ITIH2: variants seen among roughly 807,000 people sequenced by gnomAD.
ITIH2 encodes the protein inter-alpha-trypsin inhibitor heavy chain 2, also known as inter-alpha-trypsin inhibitor heavy chain H2.
Under a neutral mutation model 104.4 loss-of-function variants are expected in ITIH2, and 103 were observed. That is an observed-to-expected ratio of 0.99 (90% confidence interval 0.84 to 1.16). The LOEUF (loss-of-function observed/expected upper bound fraction) is 1.16. Among genes scored for constraint, ITIH2 ranks in the 50% most tolerant of loss-of-function variants. ITIH2 has a pLI of 0.00. For synonymous variants in ITIH2, 436 were observed against 435.4 expected, an observed-to-expected ratio of 1.00 and a Z score of -0.02; for missense variants, 1,108 against 1,162.4, an observed-to-expected ratio of 0.95 and a Z score of 0.68.
intron 4 of ITIH2, among the ~76,000 whole-genome samples, chr10:7,710,928 T>TTTTTC (rs1459662591): frequency 1.3e-5 from 2 of 152,100 alleles, no homozygotes; most frequent in African/African-American, 2.4e-5. Flanking sequence ...TTCTTTTTTT[T>TTTTTC]TTTTCTTTTT....
At position 7,738,703 on chromosome 10, in the gene ITIH2, G is replaced by T. The variant is rs749708826; in HGVS notation, c.2040G>T (p.Met680Ile). 1.2e-6 allele frequency: 2 copies of T among 1,613,644 alleles called. No individual in the cohort carries two copies. Among genetic ancestry groups the T allele is most frequent in the Non-Finnish European group, 1.7e-6 (2 of 1,179,796 alleles). ...CTTCACCAACGCCCGTGATCTCCAT[G>T]CTGGCACAAGGATCTCAGGTGCTAG... ...ANPSPTPVIS[M>I]LAQGSQVLES... The change falls in exon 16 of 21, where the codon ATG (methionine) becomes ATT (isoleucine). Residue 680 changes from methionine to isoleucine, a missense_variant. Met to Ile is a conservative substitution (Grantham distance 10). Transcript: ENST00000358415.
intron 1 of ITIH2, among the ~76,000 whole-genome samples, chr10:7,704,706 C>T (rs1834728440): frequency 6.6e-6 from 1 of 152,118 alleles, no homozygotes; most frequent in Non-Finnish European, 1.5e-5. Context: ...TCATTTTATA[C>T]AAAATTGTGA....
intron 20 of ITIH2, among the ~76,000 whole-genome samples, chr10:7,748,695 C>T (rs921224824): frequency 1.3e-5 from 2 of 151,294 alleles, no homozygotes; most frequent in African/African-American, 4.9e-5. Flanking sequence ...GCGTACACCA[C>T]CATGCCCAGG....
intron 15 of ITIH2, among the ~76,000 whole-genome samples, chr10:7,737,406 CATAT>C (rs375717121): frequency 2.1e-4 from 25 of 121,698 alleles, no homozygotes; most frequent in South Asian, 5.0e-4. Context: ...GTATATATCT[CATAT>C]ATATATATAT....
chr10:7,721,912 A>G (rs1834907778), intron 8 of ITIH2, 135 bp downstream of exon 8: 1 of 860,890 alleles, frequency 1.2e-6, no homozygotes, highest in African/African-American at 1.7e-5. Flanking sequence ...AGGGACTAAA[A>G]TCATATTCTT....
In ITIH2 at chr10:7,722,865, G is replaced by A. The variant is rs75258353; in HGVS notation, c.868-586G>A. On this transcript the variant is annotated intron_variant, in intron 8 of 20. Transcript: ENST00000358415. ...CACTTACCCTTATCCTCTGCTGGCT[G>A]GGAGCCTCCTGACGGGAGGTGCTCT... Among the ~76,000 whole-genome samples the A allele has an allele frequency of 2.0e-4, 31 of 152,326 alleles. No individual in the cohort carries two copies. In the East Asian group the frequency reaches 4.2e-3, roughly 21 times the overall value.
intron 8 of ITIH2, among the ~76,000 whole-genome samples, 161 bp downstream of exon 8, chr10:7,721,938 G>A (rs145880141): frequency 6.6e-6 from 1 of 152,236 alleles, no homozygotes; most frequent in Admixed American, 6.5e-5. Flanking sequence ...ATACCGCTAA[G>A]CATTATCTTT....
At chr10:7,738,550 T>C (rs1199009052) in intron 15 of ITIH2, 71 bp from the exon 16 acceptor site, 2 of 1,567,600 alleles carry the variant, frequency 1.3e-6, no homozygotes, top group South Asian at 2.2e-5. Flanking sequence ...TAAAACAGAT[T>C]CTTGACATGG....
chr10:7,732,328 C>T lies in ITIH2; in HGVS notation c.1648-10C>T. On this transcript the variant is annotated splice_polypyrimidine_tract_variant and intron_variant, in intron 13 of 20. Coordinates refer to ENST00000358415, the MANE Select transcript of ITIH2 (RefSeq NM_002216.3). Reference sequence around the variant, plus strand: ...CCCAGTGTCTCTCAACTGAACCTTCCATCATCTAGGCTAACACGCAGTTAG... The same window carrying T: ...CCCAGTGTCTCTCAACTGAACCTTCTATCATCTAGGCTAACACGCAGTTAG... The T allele has an allele frequency of 1.9e-6, 3 of 1,609,640 alleles. No homozygotes were observed. Among genetic ancestry groups the T allele is most frequent in the South Asian group, 1.1e-5 (1 of 90,818 alleles).
intron 10 of ITIH2, 110 bp downstream of exon 10, chr10:7,727,228 C>T (rs2130952264): frequency 1.2e-6 from 1 of 860,466 alleles, no homozygotes; most frequent in Non-Finnish European, 1.8e-6. Flanking sequence ...CATTCGAGGG[C>T]CTATCTTAAA....
chr10:7,730,065 C>A lies in ITIH2; in HGVS notation c.1393C>A (p.Leu465Met), dbSNP rs1013995005. Residue 465 changes from leucine (L) to methionine (M), a missense_variant, in exon 12 of 21, where the codon CTG (leucine) becomes ATG (methionine). Physicochemically the swap from Leu to Met is conservative, Grantham distance 15. Coordinates refer to ENST00000358415, the MANE Select transcript of ITIH2 (RefSeq NM_002216.3). ...FDVDYDFLKR[L>M]SNENHGIAQR... The stretch of plus-strand genomic sequence containing the variant: ...TGTGGACTATGATTTTTTGAAGAGA[C>A]TGTCCAATGAAAACCATGGAATTGC... 1.2e-6 allele frequency: 2 copies of A among 1,612,902 alleles called. No homozygotes were observed. Among genetic ancestry groups the A allele is most frequent in the Non-Finnish European group, 1.7e-6 (2 of 1,179,112 alleles).
intron 19 of ITIH2, 125 bp downstream of exon 19, chr10:7,745,088 A>G (rs757644224): frequency 6.2e-5 from 50 of 806,632 alleles, no homozygotes; most frequent in Admixed American, 9.8e-5. Flanking sequence ...GGACTAACAT[A>G]GCAGTGTGGG....
At chr10:7,707,333 T>A in intron 3 of ITIH2, 100 bp downstream of exon 3, 2 of 870,154 alleles carry the variant, frequency 2.3e-6, no homozygotes, top group Non-Finnish European at 3.8e-6. Context: ...ACCGAGTATT[T>A]ACCTGACTTT....
chr10:7,711,449 C>T (rs1221327598), intron 4 of ITIH2, among the ~76,000 whole-genome samples: 1 of 152,206 alleles, frequency 6.6e-6, no homozygotes, highest in African/African-American at 2.4e-5. Context: ...ATTATCACAA[C>T]TTAAAATGAG....
Position 7,742,267 on chromosome 10 carries a change from C to T in ITIH2, c.2096-879C>T, listed in dbSNP as rs912914134. On this transcript the variant is annotated intron_variant, in intron 16 of 20. Transcript: ENST00000358415. Reference sequence around the variant, plus strand: ...GAGAGGGAGAGTGGGGATGGGGGAGCGGGAGGGGAGGGGAAGCAAGGAAGG... The same window carrying T: ...GAGAGGGAGAGTGGGGATGGGGGAGTGGGAGGGGAGGGGAAGCAAGGAAGG... 5.4e-5 allele frequency among the ~76,000 whole-genome samples: 8 copies of T among 147,440 alleles called. No homozygotes were observed. The South Asian group carries it at 8.9e-4, about 16-fold the overall frequency.
Position 7,744,893 on chromosome 10 carries a change from C to T in ITIH2, c.2511C>T (p.Val837=). ...ATCGTGTTTGGAAGAAGCATCCCGT[C>T]AATGTTGACTTTCTGGGAATCTACA... ...LLHRVWKKHP[V]NVDFLGIYIP... is the part of the protein sequence containing the mutation. Residue 837 remains valine (V), a synonymous_variant, in exon 19 of 21, where the codon GTC becomes GTT. Transcript: ENST00000358415. 3.1e-6 allele frequency: 5 copies of T among 1,614,108 alleles called. No individual in the cohort carries two copies. In the Middle Eastern group the frequency reaches 8.2e-4, roughly 266 times the overall value.
chr10:7,718,130 G>A (rs1348163211), intron 6 of ITIH2, among the ~76,000 whole-genome samples: 2 of 152,146 alleles, frequency 1.3e-5, no homozygotes. Flanking sequence ...CTCCAGGGGA[G>A]AGCCCGTTCC....
intron 15 of ITIH2, among the ~76,000 whole-genome samples, chr10:7,736,883 A>G (rs1266425867): frequency 1.3e-5 from 2 of 152,172 alleles, no homozygotes; most frequent in Non-Finnish European, 2.9e-5. Context: ...GTGTCTGGTT[A>G]TATTCAGTTA....
At chr10:7,745,672 G>A (rs544558817) in intron 19 of ITIH2, among the ~76,000 whole-genome samples, 166 of 151,972 alleles carry the variant, frequency 1.1e-3, no homozygotes, top group African/African-American at 3.4e-3. Context: ...CTTGAGCCCC[G>A]GAATTGGAGG....
Sources: gnomAD v4.1 joint callset for allele counts (sites outside exome capture counted in the v4.1 genomes callset) on GRCh38, gnomAD v4.1.1 for gene constraint, MANE v1.5 for transcripts, NCBI Gene and HGNC (gene_info 2026-07-23, HGNC 2026-07-21) for gene names.